Variants in NPC2 observed in about 807,000 individuals in gnomAD.
The protein encoded by NPC2 is Niemann-Pick disease type C2 protein.
In NPC2, 14 loss-of-function variants were observed where a neutral mutation model predicts 17.0. That is an observed-to-expected ratio of 0.82 (90% CI 0.54 to 1.29). The LOEUF (loss-of-function observed/expected upper bound fraction) is 1.29, where lower values mean the gene tolerates loss of function less well. NPC2 is among the 50% of genes most tolerant of loss of function. The probability of loss-of-function intolerance (pLI) is 0.00; values close to 1 mark genes in which losing one functional copy is unlikely to be tolerated. For missense variants in NPC2, 167 were observed against 183.4 expected (o/e 0.91, Z 0.52); for synonymous variants, 75 against 69.3 (o/e 1.08, Z -0.41).
intron 1 of NPC2, among the ~76,000 whole-genome samples, chr14:74,490,982 A>G (rs545639674): frequency 5.9e-5 from 9 of 152,182 alleles, no homozygotes; most frequent in Non-Finnish European, 1.0e-4. Flanking sequence ...GTTTCCTACC[A>G]CTTACTGGGT....
chr14:74,490,984 T>C (rs1386032813), intron 1 of NPC2, among the ~76,000 whole-genome samples: 1 of 152,240 alleles, frequency 6.6e-6, no homozygotes, highest in African/African-American at 2.4e-5. Flanking sequence ...TTCCTACCAC[T>C]TACTGGGTGT....
chr14:74,487,684 A>G (rs1225696754), intron 1 of NPC2, among the ~76,000 whole-genome samples: 1 of 152,210 alleles, frequency 6.6e-6, no homozygotes, highest in African/African-American at 2.4e-5. Flanking sequence ...ATGAGCAAAC[A>G]CTGATTGAGG....
intron 1 of NPC2, among the ~76,000 whole-genome samples, chr14:74,487,974 C>A (rs2086730760): frequency 6.6e-6 from 1 of 152,182 alleles, no homozygotes; most frequent in Non-Finnish European, 1.5e-5. Context: ...AGATCGAAGA[C>A]TCAATGGGTG....
rs184271835 is a variant in NPC2 at position 74,480,243 on chromosome 14, T to C, written c.*31A>G. The C allele has an allele frequency of 6.2e-6, 10 of 1,614,174 alleles. No homozygotes were observed. Among genetic ancestry groups the C allele is most frequent in the African/African-American group, 2.7e-5 (2 of 75,040 alleles). On this transcript the variant is annotated 3_prime_UTR_variant, in exon 5 of 5. Coordinates refer to ENST00000555619, the MANE Select transcript of NPC2 (RefSeq NM_006432.5). ...GCTGTCAAGAGTCTCAGCAGACTCA[T>C]TGGCCAGATGCACCGAACTCAATGA...
At chr14:74,490,049 C>A (rs1474793933) in intron 1 of NPC2, among the ~76,000 whole-genome samples, 3 of 152,174 alleles carry the variant, frequency 2.0e-5, no homozygotes, top group Non-Finnish European at 4.4e-5. Flanking sequence ...GGACCTCTCA[C>A]CTCAAATATA....
In NPC2 at chr14:74,484,466, G is replaced by A. The variant is rs751455041; in HGVS notation, c.312C>T (p.Asp104=). The change falls in exon 3 of 5, where the codon GAC becomes GAT. Residue 104 remains aspartate (D), a synonymous_variant. Coordinates refer to ENST00000555619, the MANE Select transcript of NPC2 (RefSeq NM_006432.5). ...GTTTATTCAGGTAGCTATAGGTCTT[G>A]TCTTTTTGGATAGGGCAGTTAATTC... ...KSGINCPIQK[D]KTYSYLNKLP... The A allele has an allele frequency of 1.9e-6, 3 of 1,613,984 alleles. No homozygotes were observed. Among genetic ancestry groups the A allele is most frequent in the African/African-American group, 1.3e-5 (1 of 74,868 alleles).
At chr14:74,483,118 T>G (rs2086672092) in intron 3 of NPC2, 5 of 958,106 alleles carry the variant, frequency 5.2e-6, no homozygotes, top group Non-Finnish European at 8.4e-6. Context: ...CTGCCAACAG[T>G]GTATGCTTAA....
At chr14:74,482,920 A>G in intron 3 of NPC2, 2 of 479,352 alleles carry the variant, frequency 4.2e-6, no homozygotes, top group South Asian at 2.1e-5. Context: ...AGGGAGGAGG[A>G]GGTGGAGGAG....
chr14:74,480,628 G>A, intron 4 of NPC2, 74 bp downstream of exon 4: 1 of 1,217,328 alleles, frequency 8.2e-7, no homozygotes, highest in Non-Finnish European at 1.2e-6. Context: ...TTATGGCACT[G>A]ATTTAGTTTC....
chr14:74,484,363 A>C, intron 3 of NPC2, 52 bp downstream of exon 3: 1 of 1,596,060 alleles, frequency 6.3e-7, no homozygotes, highest in Non-Finnish European at 8.6e-7. Flanking sequence ...TGCCCTCAGA[A>C]CTCTAATCCA....
intron 1 of NPC2, among the ~76,000 whole-genome samples, chr14:74,489,986 C>G (rs982624378): frequency 2.0e-5 from 3 of 152,194 alleles, no homozygotes; most frequent in Non-Finnish European, 4.4e-5. Flanking sequence ...TGAGTTTAAT[C>G]TAGAATAGCT....
intron 3 of NPC2, among the ~76,000 whole-genome samples, chr14:74,482,006 C>T (rs539075309): frequency 1.5e-4 from 23 of 152,340 alleles, no homozygotes; most frequent in Admixed American, 1.0e-3. Context: ...ACTACTGCTT[C>T]ATTTAGTGCT....
At chr14:74,492,499 A>G (rs2086786566) in intron 1 of NPC2, among the ~76,000 whole-genome samples, 1 of 152,124 alleles carries the variant, frequency 6.6e-6, no homozygotes, top group African/African-American at 2.4e-5. Flanking sequence ...CTATCTCTCT[A>G]TCTCCACCTC....
At chr14:74,480,919 C>CT in intron 3 of NPC2, 140 bp from the exon 4 acceptor site, 1 of 788,952 alleles carries the variant, frequency 1.3e-6, no homozygotes, top group African/African-American at 1.7e-5. Context: ...ATGAGGGCTG[C>CT]TTAGCATGTG....
At chr14:74,493,310 A>C, upstream of NPC2, 1 of 1,602,640 alleles carries the variant, frequency 6.2e-7, no homozygotes. This position sits in a 1 kb window ranked among gnomAD's most constrained non-coding sequence, Gnocchi z 4.1. Context: ...GGAAAGAAGC[A>C]GCGGCCGCCC....
intron 1 of NPC2, among the ~76,000 whole-genome samples, chr14:74,486,650 G>A (rs1349054264): frequency 6.6e-6 from 1 of 152,158 alleles, no homozygotes; most frequent in South Asian, 2.1e-4. Flanking sequence ...CTTTAATTCA[G>A]ATGATAAAGA....
chr14:74,489,266 C>T (rs2086745799), intron 1 of NPC2, among the ~76,000 whole-genome samples: 1 of 152,262 alleles, frequency 6.6e-6, no homozygotes, highest in South Asian at 2.1e-4. Context: ...GTCTATATAG[C>T]TGCTGGGAAT....
At chr14:74,480,359 T>C in intron 4 of NPC2, 71 bp from the exon 5 acceptor site, 1 of 1,324,944 alleles carries the variant, frequency 7.5e-7, no homozygotes, top group South Asian at 1.2e-5. Context: ...GCAATAACCC[T>C]AGGGCAAGTT....
chr14:74,489,552 G>A lies in NPC2; in HGVS notation c.83-3116C>T, dbSNP rs3047735. On this transcript the variant is annotated intron_variant, in intron 1 of 4. Transcript: ENST00000555619. ...TCTTAAAATAAGTGTGTGTGTGTGT[G>A]TCTGTGTGTGTATGTATGTATTTTA... Among the ~76,000 whole-genome samples the A allele has an allele frequency of 3.6e-5, 5 of 137,588 alleles. No homozygotes were observed. In the South Asian group the frequency reaches 1.2e-3, roughly 33 times the overall value. 90.3% of individuals were successfully genotyped at this position (137,588 alleles called of 152,430 possible). A position where few individuals can be genotyped will look rare whatever the true frequency, so the allele number is the denominator to read the frequency against.
Sources: gnomAD v4.1 joint callset for allele counts (sites outside exome capture counted in the v4.1 genomes callset) on GRCh38, gnomAD v4.1.1 for gene constraint, Gnocchi (gnomAD v3.1) non-coding constraint, MANE v1.5 for transcripts, NCBI Gene and HGNC (gene_info 2026-07-23, HGNC 2026-07-21) for gene names.